The following EXOC6B variants were observed in gnomAD, a reference collection of about 807,000 sequenced individuals.
EXOC6B encodes the protein exocyst complex component 6B, also known as SEC15 homolog B.
Under a neutral mutation model 113.5 loss-of-function variants are expected in EXOC6B, and 54 were observed. The observed-to-expected ratio is 0.48, with a 90% CI of 0.38 to 0.60. The LOEUF is 0.60. EXOC6B is among the 20% of genes least tolerant of loss of function. EXOC6B has a pLI of 0.00. For missense variants in EXOC6B, 797 were observed against 977.5 expected, an observed-to-expected ratio of 0.82 and a Z score of 2.46; for synonymous variants, 357 against 339.0, an observed-to-expected ratio of 1.05 and a Z score of -0.58.
chr2:72,267,585 C>T (rs2104612335), intron 20 of EXOC6B, among the ~76,000 whole-genome samples: 1 of 152,286 alleles, frequency 6.6e-6, no homozygotes, highest in Non-Finnish European at 1.5e-5. Flanking sequence ...TTGAACCAGC[C>T]TTGCATCCCA....
chr2:72,351,449 C>T (rs943531742), intron 19 of EXOC6B, among the ~76,000 whole-genome samples: 2 of 152,202 alleles, frequency 1.3e-5, no homozygotes, highest in African/African-American at 4.8e-5. Flanking sequence ...CAAACACTGA[C>T]TCAACGTCTT....
chr2:72,393,410 G>A (rs926820380), intron 18 of EXOC6B, among the ~76,000 whole-genome samples: 16 of 151,838 alleles, frequency 1.1e-4, no homozygotes, highest in Non-Finnish European at 1.9e-4. Flanking sequence ...TTTTTTAGGG[G>A]AGTTTCTTCT....
At position 72,541,666 on chromosome 2, in the gene EXOC6B, T is replaced by C. The variant is rs115232059; in HGVS notation, c.915+17787A>G. Among the ~76,000 whole-genome samples, 199 of 152,326 alleles carry C rather than the reference T, an allele frequency of 1.3e-3. 1 individual carries two copies. Among genetic ancestry groups the C allele is most frequent in the African/African-American group, 4.6e-3 (191 of 41,568 alleles). On this transcript the variant is annotated intron_variant, in intron 8 of 21. Coordinates refer to ENST00000272427, the MANE Select transcript of EXOC6B (RefSeq NM_015189.3). The stretch of plus-strand genomic sequence containing the variant: ...AGTTCCTAGTCTTTTTCCTTTCTCA[T>C]TGCATTCTTTAAAAGTCCTTTTTAT...
At chr2:72,712,587 T>C (rs1679347304) in intron 6 of EXOC6B, among the ~76,000 whole-genome samples, 2 of 152,222 alleles carry the variant, frequency 1.3e-5, no homozygotes, top group South Asian at 4.1e-4. Flanking sequence ...TGCCTACAGT[T>C]TCCTGCCATG....
intron 19 of EXOC6B, among the ~76,000 whole-genome samples, chr2:72,350,413 A>G (rs1689587392): frequency 6.6e-6 from 1 of 152,206 alleles, no homozygotes; most frequent in Admixed American, 6.5e-5. Context: ...AATTTATGCA[A>G]TTAGATCAAT....
intron 6 of EXOC6B, among the ~76,000 whole-genome samples, chr2:72,653,920 T>G (rs375709868): frequency 6.6e-5 from 10 of 152,090 alleles, no homozygotes; most frequent in Non-Finnish European, 8.8e-5. Context: ...TACACTGGTT[T>G]GGAATAACCT....
chr2:72,507,836 C>G (rs1412054059), intron 11 of EXOC6B, among the ~76,000 whole-genome samples: 3 of 151,456 alleles, frequency 2.0e-5, no homozygotes, highest in Non-Finnish European at 2.9e-5. Context: ...GTGTCCTGCT[C>G]TTAATAGTAT....
chr2:72,670,930 C>A (rs1409634202), intron 6 of EXOC6B, among the ~76,000 whole-genome samples: 1 of 152,044 alleles, frequency 6.6e-6, no homozygotes, highest in Admixed American at 6.6e-5. Context: ...AGCTTAGGCC[C>A]CTCCCATGAA....
chr2:72,681,552 G>C (rs564469761), intron 6 of EXOC6B, among the ~76,000 whole-genome samples: 5 of 152,224 alleles, frequency 3.3e-5, no homozygotes, highest in Admixed American at 3.3e-4. Flanking sequence ...GCAGCTCTTA[G>C]CCACACCCTG....
At chr2:72,390,252 G>C (rs184426047) in intron 18 of EXOC6B, among the ~76,000 whole-genome samples, 66 of 152,108 alleles carry the variant, frequency 4.3e-4, no homozygotes, top group Admixed American at 1.5e-3. Context: ...TTTGTTATTA[G>C]AAGTTCCATT....
At chr2:72,449,923 T>C (rs1436527419) in intron 18 of EXOC6B, among the ~76,000 whole-genome samples, 1 of 152,216 alleles carries the variant, frequency 6.6e-6, no homozygotes, top group Non-Finnish European at 1.5e-5. Flanking sequence ...TGTCCATGAA[T>C]TAACTAGTTC....
At chr2:72,344,734 A>G (rs1203890390) in intron 19 of EXOC6B, among the ~76,000 whole-genome samples, 1 of 151,950 alleles carries the variant, frequency 6.6e-6, no homozygotes, top group African/African-American at 2.4e-5. Context: ...GTTAGTTTCT[A>G]ATTTTCTCCA....
chr2:72,631,412 GT>G, intron 6 of EXOC6B, among the ~76,000 whole-genome samples: 1 of 8,414 alleles, frequency 1.2e-4, no homozygotes, highest in East Asian at 0.011. Context: ...GTATATGTGT[GT>G]GTGTGTGTGT....
At chr2:72,394,470 G>A (rs1366216539) in intron 18 of EXOC6B, among the ~76,000 whole-genome samples, 1 of 151,966 alleles carries the variant, frequency 6.6e-6, no homozygotes, top group Non-Finnish European at 1.5e-5. Flanking sequence ...AATGACATGG[G>A]AATTTTTTTA....
intron 6 of EXOC6B, among the ~76,000 whole-genome samples, chr2:72,590,149 G>A (rs1264698874): frequency 6.6e-6 from 1 of 151,882 alleles, no homozygotes; most frequent in African/African-American, 2.4e-5. Flanking sequence ...TATATAAGTT[G>A]CTAATGAGAT....
At chr2:72,768,135 A>C (rs539780601) in intron 1 of EXOC6B, among the ~76,000 whole-genome samples, 4 of 149,370 alleles carry the variant, frequency 2.7e-5, no homozygotes, top group Admixed American at 2.7e-4. Flanking sequence ...AAAAAAAAAA[A>C]AAAGAAAGAA....
At chr2:72,484,374 C>CGTCCT (rs1188794670) in intron 16 of EXOC6B, among the ~76,000 whole-genome samples, 1 of 147,788 alleles carries the variant, frequency 6.8e-6, no homozygotes, top group Non-Finnish European at 1.5e-5. Context: ...CTGGCTAACA[C>CGTCCT]GGTGAAACCC....
chr2:72,277,740 T>G (rs1684886317), intron 20 of EXOC6B, among the ~76,000 whole-genome samples: 1 of 152,050 alleles, frequency 6.6e-6, no homozygotes, highest in African/African-American at 2.4e-5. Context: ...GTGATCCTAC[T>G]GCCTCAGCCT....
At chr2:72,444,936 G>A (rs1013732615) in intron 18 of EXOC6B, among the ~76,000 whole-genome samples, 2 of 152,168 alleles carry the variant, frequency 1.3e-5, no homozygotes, top group East Asian at 3.9e-4. Context: ...CATTTCTAAT[G>A]CAAATTTCTG....
Sources: allele counts gnomAD v4.1 joint callset (sites outside exome capture counted in the v4.1 genomes callset), GRCh38; gene constraint gnomAD v4.1.1; transcripts MANE v1.5; gene names NCBI Gene and HGNC (gene_info 2026-07-23, HGNC 2026-07-21).